ANKRD13C: variants seen among roughly 807,000 people sequenced by gnomAD.
ANKRD13C encodes the protein ankyrin repeat domain-containing protein 13C.
In ANKRD13C, 16 loss-of-function variants were observed where a neutral mutation model predicts 65.5. That is an observed-to-expected ratio of 0.24 (90% CI 0.17 to 0.37). ANKRD13C has a LOEUF of 0.37. Ranked by LOEUF, ANKRD13C falls within the 10% of genes least tolerant of loss-of-function variation. The probability of loss-of-function intolerance (pLI) is 1.00; values close to 1 mark genes in which losing one functional copy is unlikely to be tolerated. For missense variants in ANKRD13C, 503 were observed against 655.9 expected (o/e 0.77, Z 2.55); for synonymous variants, 235 against 238.7 (o/e 0.98, Z 0.14).
chr1:70,293,926 G>T (rs1239550909), intron 8 of ANKRD13C, among the ~76,000 whole-genome samples: 1 of 152,210 alleles, frequency 6.6e-6, no homozygotes, highest in Non-Finnish European at 1.5e-5. Flanking sequence ...GCAAAGGCAT[G>T]TAAAAGGATG....
chr1:70,332,695 G>T (rs527636445), intron 2 of ANKRD13C, among the ~76,000 whole-genome samples: 1 of 151,968 alleles, frequency 6.6e-6, no homozygotes, highest in Non-Finnish European at 1.5e-5. Flanking sequence ...CAAACTCCTG[G>T]CCTTAAGTGA....
chr1:70,309,758 TAAC>T (rs1680768260), intron 5 of ANKRD13C, among the ~76,000 whole-genome samples: 1 of 147,770 alleles, frequency 6.8e-6, no homozygotes, highest in East Asian at 2.0e-4. Context: ...AATATACAAA[TAAC>T]AGTCTCAAAT....
In ANKRD13C at chr1:70,354,264, C is replaced by T. The variant is rs778072429; in HGVS notation, c.145G>A (p.Ala49Thr). The stretch of plus-strand genomic sequence containing the variant: ...TGGTTACTGAAGATCTTATGACAAG[C>T]TTTGCCGCCCTTGCCAATCCTGCTT... ...TRSRIGKGGK[A>T]CHKIFSNHHH... Residue 49 changes from alanine (A) to threonine (T), a missense_variant, in exon 1 of 13, where the codon GCT becomes ACT. Around this residue, in one of 2 missense-constraint regions of ANKRD13C, gnomAD observed 203 missense variants for 177.6 expected, o/e 1.14. Transcript: ENST00000370944. 3 of 1,613,662 alleles carry T rather than the reference C, an allele frequency of 1.9e-6. No homozygotes were observed. The highest frequency in any genetic ancestry group is 2.5e-6 in the Non-Finnish European group (3 of 1,180,022).
intron 11 of ANKRD13C, among the ~76,000 whole-genome samples, chr1:70,273,370 T>C (rs1337432543): frequency 1.3e-5 from 2 of 152,170 alleles, no homozygotes; most frequent in African/African-American, 4.8e-5. Context: ...CCTCCCACTT[T>C]AGTGAGGAGC....
At chr1:70,275,507 T>C (rs1029408225) in intron 10 of ANKRD13C, among the ~76,000 whole-genome samples, 17 of 151,984 alleles carry the variant, frequency 1.1e-4, no homozygotes, top group African/African-American at 4.1e-4. Context: ...GAATGTCCTT[T>C]TTTTTTTTTC....
At position 70,354,424 on chromosome 1, in the gene ANKRD13C, C is replaced by T; in HGVS notation, c.-16G>A. On this transcript the variant is annotated 5_prime_UTR_variant, in exon 1 of 13. Coordinates refer to ENST00000370944, the MANE Select transcript of ANKRD13C (RefSeq NM_030816.5). ...CCCCGGTCATCGCCGCCGCCAGGGG[C>T]AAGGGGGGGAATCGGGAGGCTCACC... 6.2e-7 allele frequency: 1 copy of T among 1,605,110 alleles called. No homozygotes were observed. The highest frequency in any genetic ancestry group is 8.5e-7 in the Non-Finnish European group (1 of 1,175,034).
Position 70,262,510 on chromosome 1 carries a change from A to T in ANKRD13C, c.*207T>A, listed in dbSNP as rs758242879. ...AAACTATTACATTTATAATATGTAT[A>T]TTTTTAAAAAGACAAAAAATGGCAC... On this transcript the variant is annotated 3_prime_UTR_variant, in exon 13 of 13. Coordinates refer to ENST00000370944, the MANE Select transcript of ANKRD13C (RefSeq NM_030816.5). 16 of 376,104 alleles carry T rather than the reference A, an allele frequency of 4.3e-5. No homozygotes were observed. The highest frequency in any genetic ancestry group is 8.1e-5 in the African/African-American group (4 of 49,180). 23.3% of individuals were successfully genotyped at this position (376,104 alleles called of 1,614,324 possible).
chr1:70,278,751 T>C (rs1286543463), intron 9 of ANKRD13C, among the ~76,000 whole-genome samples: 1 of 152,178 alleles, frequency 6.6e-6, no homozygotes, highest in Non-Finnish European at 1.5e-5. Context: ...CAAGGATTGC[T>C]AAGACACAAA....
chr1:70,266,680 A>G (rs1022548238), intron 12 of ANKRD13C, among the ~76,000 whole-genome samples: 10 of 152,110 alleles, frequency 6.6e-5, no homozygotes, highest in African/African-American at 2.4e-4. Flanking sequence ...TTCCTTTGAG[A>G]CTTCCCTTTG....
chr1:70,307,357 C>T (rs1017671241), intron 5 of ANKRD13C, among the ~76,000 whole-genome samples: 4 of 151,864 alleles, frequency 2.6e-5, no homozygotes, highest in Non-Finnish European at 4.4e-5. Flanking sequence ...GGCAACATGG[C>T]GAAACCCCAT....
chr1:70,276,048 GA>G (rs969429597), intron 10 of ANKRD13C, among the ~76,000 whole-genome samples: 8 of 143,154 alleles, frequency 5.6e-5, no homozygotes, highest in East Asian at 2.1e-4. Flanking sequence ...CTTTCAATAA[GA>G]AAAAAAAATG....
rs543515789 is a variant in ANKRD13C at position 70,269,909 on chromosome 1, T to A, written c.1495+947A>T. On this transcript the variant is annotated intron_variant, in intron 12 of 12. Coordinates refer to ENST00000370944, the MANE Select transcript of ANKRD13C (RefSeq NM_030816.5). ...CTGAAGAATTACAGCACTCATTAAA[T>A]ACTGAGTGGTTGAATTGATGGATAG... 1.8e-4 allele frequency among the ~76,000 whole-genome samples: 27 copies of A among 152,340 alleles called. No individual in the cohort carries two copies. In the East Asian group the frequency reaches 5.0e-3, roughly 28 times the overall value.
At chr1:70,267,326 AG>A (rs1254286784) in intron 12 of ANKRD13C, among the ~76,000 whole-genome samples, 1 of 152,010 alleles carries the variant, frequency 6.6e-6, no homozygotes, top group East Asian at 1.9e-4. Context: ...ATTTCAAGTG[AG>A]TTTACTGAAA....
chr1:70,315,182 T>A (rs988280641), intron 4 of ANKRD13C, among the ~76,000 whole-genome samples: 2 of 152,124 alleles, frequency 1.3e-5, no homozygotes, highest in African/African-American at 4.8e-5. Context: ...CTATAGAGAA[T>A]CTTCTAATTC....
At chr1:70,293,864 A>C (rs1026151192) in intron 8 of ANKRD13C, among the ~76,000 whole-genome samples, 4 of 152,250 alleles carry the variant, frequency 2.6e-5, no homozygotes, top group African/African-American at 9.6e-5. Context: ...ACAAAATGTT[A>C]AGTGTGTATT....
chr1:70,308,811 A>G (rs1680709946), intron 5 of ANKRD13C, among the ~76,000 whole-genome samples: 1 of 151,996 alleles, frequency 6.6e-6, no homozygotes, highest in Non-Finnish European at 1.5e-5. Flanking sequence ...ATAAAAAAAC[A>G]TTTCTGATAG....
rs780016692 is a variant in ANKRD13C at position 70,324,845 on chromosome 1, T to C, written c.577+8A>G. 1 of 1,580,196 alleles carries C rather than the reference T, an allele frequency of 6.3e-7. No individual in the cohort carries two copies. The highest frequency in any genetic ancestry group is 1.2e-5 in the South Asian group (1 of 86,036). Reference sequence around the variant, plus strand: ...GATATATCAACAACAGTAATTCATATTGCTTACTCATCTGCCTATCTCCAT... The same window carrying C: ...GATATATCAACAACAGTAATTCATACTGCTTACTCATCTGCCTATCTCCAT... On this transcript the variant is annotated splice_region_variant and intron_variant, in intron 3 of 12. Transcript: ENST00000370944.
At chr1:70,331,319 G>A (rs1681787867) in intron 2 of ANKRD13C, among the ~76,000 whole-genome samples, 1 of 152,020 alleles carries the variant, frequency 6.6e-6, no homozygotes, top group African/African-American at 2.4e-5. Context: ...TCAACACTCT[G>A]GGAGGCCGAG....
chr1:70,327,800 C>T (rs1360100175), intron 2 of ANKRD13C, among the ~76,000 whole-genome samples: 4 of 152,156 alleles, frequency 2.6e-5, no homozygotes, highest in Non-Finnish European at 5.9e-5. Flanking sequence ...TGCAGTGGCT[C>T]ATGCCTGTAA....
Sources: allele counts gnomAD v4.1 joint callset (sites outside exome capture counted in the v4.1 genomes callset), GRCh38; gene constraint gnomAD v4.1.1; regional missense constraint gnomAD v4.1.1; transcripts MANE v1.5; gene names NCBI Gene and HGNC (gene_info 2026-07-23, HGNC 2026-07-21).